The following EPAS1 variants were observed in gnomAD, a reference collection of about 807,000 sequenced individuals.
The protein encoded by EPAS1 is endothelial PAS domain protein 1.
EPAS1 carries 23 observed loss-of-function variants against 87.9 expected under a neutral mutation model. The observed-to-expected ratio is 0.26, with a 90% CI of 0.19 to 0.37. EPAS1 has a LOEUF of 0.37. EPAS1 is among the 10% of genes least tolerant of loss of function. The pLI is 1.00. For missense variants in EPAS1, 1,138 were observed against 1,120.7 expected (o/e 1.02, Z -0.22); for synonymous variants, 508 against 444.3 (o/e 1.14, Z -1.80).
chr2:46,360,708 G>A lies in EPAS1; in HGVS notation c.525G>A (p.Thr175=), dbSNP rs115264325. Residue 175 remains threonine, a synonymous_variant, in exon 5 of 16, where the codon ACG becomes ACA. Transcript: ENST00000263734. The surrounding 1 kb of genome is among the most constrained non-coding windows in gnomAD (Gnocchi z 4.5). The part of the protein sequence containing the change: ...ERDFFMRMKC[T]VTNRGRTVNL... ...ACTTCTTCATGAGGATGAAGTGCAC[G>A]GTCACCAACAGAGGCCGTACTGTCA... 449 of 1,613,998 alleles carry A rather than the reference G, an allele frequency of 2.8e-4. 2 individuals are homozygous for A. In the African/African-American group the frequency reaches 5.0e-3, roughly 18 times the overall value.
chr2:46,336,426 C>T (rs1252706599), intron 1 of EPAS1, among the ~76,000 whole-genome samples: 1 of 151,714 alleles, frequency 6.6e-6, no homozygotes, highest in African/African-American at 2.4e-5. Context: ...TGCTAAGGGG[C>T]CAGGGACACT....
intron 2 of EPAS1, among the ~76,000 whole-genome samples, chr2:46,348,559 T>C (rs1322936554): frequency 3.4e-4 from 51 of 152,236 alleles, no homozygotes. Flanking sequence ...TCCCCTGCTT[T>C]CCTGCTGTGG....
rs1684927537 is a variant in EPAS1 at position 46,382,671 on chromosome 2, C to T, written c.2461+73C>T. 9 of 1,577,566 alleles carry T rather than the reference C, an allele frequency of 5.7e-6. No individual in the cohort carries two copies. In the South Asian group the frequency reaches 1.0e-4, roughly 18 times the overall value. Reference sequence around the variant, plus strand: ...GGGGAAGCCCACGTCTACTTTTTTTCCAGCGTCTGCACAGTGCCAGGCACA... The same window carrying T: ...GGGGAAGCCCACGTCTACTTTTTTTTCAGCGTCTGCACAGTGCCAGGCACA... On this transcript the variant is annotated intron_variant, in intron 15 of 15. Transcript: ENST00000263734.
chr2:46,369,164 C>T (rs1214080882), intron 6 of EPAS1, among the ~76,000 whole-genome samples: 1 of 152,150 alleles, frequency 6.6e-6, no homozygotes, highest in Non-Finnish European at 1.5e-5. Flanking sequence ...ACCTCCTTGC[C>T]TCCCTCGTTT....
chr2:46,359,490 T>C (rs1684344944), intron 4 of EPAS1, among the ~76,000 whole-genome samples: 1 of 152,026 alleles, frequency 6.6e-6, no homozygotes. Flanking sequence ...GAATCATAAT[T>C]TGGTATGGGA....
chr2:46,340,378 G>A (rs544326550), intron 1 of EPAS1, among the ~76,000 whole-genome samples: 12 of 152,316 alleles, frequency 7.9e-5, no homozygotes, highest in Admixed American at 7.2e-4. Flanking sequence ...GAGAGCTGGA[G>A]GCTCAGCCCC....
At chr2:46,341,886 A>AT (rs1399422550) in intron 1 of EPAS1, among the ~76,000 whole-genome samples, 1 of 152,218 alleles carries the variant, frequency 6.6e-6, no homozygotes, top group Non-Finnish European at 1.5e-5. Context: ...CCAGTGCTCA[A>AT]TAAATATGTT....
At position 46,375,697 on chromosome 2, in the gene EPAS1, C is replaced by T; in HGVS notation, c.894C>T (p.Thr298=). Residue 298 remains threonine (T), a synonymous_variant, in exon 8 of 16, where the codon ACC becomes ACT. Coordinates refer to ENST00000263734, the MANE Select transcript of EPAS1 (RefSeq NM_001430.5). The surrounding 1 kb of genome is among the most constrained non-coding windows in gnomAD (Gnocchi z 4.1). ...CTGTTTCTCCTCCCCTAGTGTGCAC[C>T]AAGGGTCAGGTAGTAAGTGGCCAGT... ...NMTKSHQNLC[T]KGQVVSGQYR... The T allele has an allele frequency of 6.2e-7, 1 of 1,614,002 alleles. No homozygotes were observed. The highest frequency in any genetic ancestry group is 8.5e-7 in the Non-Finnish European group (1 of 1,179,966).
chr2:46,378,523 C>T, intron 10 of EPAS1, 134 bp from the exon 11 acceptor site: 1 of 755,958 alleles, frequency 1.3e-6, no homozygotes, highest in South Asian at 1.5e-5. Flanking sequence ...AATTAGCAGC[C>T]CCTCTACAAA....
chr2:46,325,285 T>A lies in EPAS1; in HGVS notation c.27-21588T>A, dbSNP rs143617319. ...TTACTGCCCTTGGGAATTTTTTAGA[T>A]AGTTCCTTTTGGGGAGAGAACTGTT... On this transcript the variant is annotated intron_variant, in intron 1 of 15. Coordinates refer to ENST00000263734, the MANE Select transcript of EPAS1 (RefSeq NM_001430.5). Among the ~76,000 whole-genome samples the A allele has an allele frequency of 3.0e-3, 463 of 152,332 alleles. 4 individuals are homozygous for A. Among genetic ancestry groups the A allele is most frequent in the African/African-American group, 0.011 (438 of 41,574 alleles).
intron 1 of EPAS1, among the ~76,000 whole-genome samples, chr2:46,334,421 C>T (rs1299187094): frequency 2.6e-5 from 4 of 152,194 alleles, no homozygotes; most frequent in African/African-American, 4.8e-5. Flanking sequence ...ACCACTGGCA[C>T]CTCTGCCCAT....
At chr2:46,335,396 G>A (rs900586491) in intron 1 of EPAS1, among the ~76,000 whole-genome samples, 8 of 85,534 alleles carry the variant, frequency 9.4e-5, no homozygotes, top group South Asian at 7.5e-4. Flanking sequence ...GTGCACCCCC[G>A]CCCCCCACCC....
chr2:46,316,805 A>G (rs190715198), intron 1 of EPAS1, among the ~76,000 whole-genome samples: 1 of 152,334 alleles, frequency 6.6e-6, no homozygotes, highest in African/African-American at 2.4e-5. Context: ...ACTCTGCAGC[A>G]TGTGATACTG....
In EPAS1 at chr2:46,300,937, G is replaced by GA. The variant is rs1682983149; in HGVS notation, c.26+3006dup. Among the ~76,000 whole-genome samples, 1 of 152,082 alleles carries GA rather than the reference G, an allele frequency of 6.6e-6. No individual in the cohort carries two copies. Among genetic ancestry groups the GA allele is most frequent in the African/African-American group, 2.4e-5 (1 of 41,412 alleles). On this transcript the variant is annotated intron_variant, in intron 1 of 15. Transcript: ENST00000263734. The surrounding 1 kb of genome is among the most constrained non-coding windows in gnomAD (Gnocchi z 4.1). Reference sequence around the variant, plus strand: ...TCCATCATTATTCCAACTCTGAAGGGAAAAAATATTGCTGGACAGTTTCTC... The same window carrying GA: ...TCCATCATTATTCCAACTCTGAAGGGAAAAAAATATTGCTGGACAGTTTCTC...
At chr2:46,306,070 A>G (rs1302650551) in intron 1 of EPAS1, among the ~76,000 whole-genome samples, 1 of 152,252 alleles carries the variant, frequency 6.6e-6, no homozygotes, top group Non-Finnish European at 1.5e-5. Flanking sequence ...GCTGAATCTG[A>G]GAAAGTTCAG....
chr2:46,352,852 C>T (rs117237952), intron 2 of EPAS1, among the ~76,000 whole-genome samples: 1 of 152,244 alleles, frequency 6.6e-6, no homozygotes, highest in Non-Finnish European at 1.5e-5. Context: ...TTGCCCCTCT[C>T]CCTCCCGGAG....
Position 46,346,939 on chromosome 2 carries a change from G to T in EPAS1, c.93G>T (p.Thr31=). The T allele has an allele frequency of 6.2e-7, 1 of 1,614,198 alleles. No individual in the cohort carries two copies. Among genetic ancestry groups the T allele is most frequent in the South Asian group, 1.1e-5 (1 of 91,084 alleles). Residue 31 remains threonine, a synonymous_variant, in exon 2 of 16, where the codon ACG becomes ACT. Coordinates refer to ENST00000263734, the MANE Select transcript of EPAS1 (RefSeq NM_001430.5). The surrounding 1 kb of genome is among the most constrained non-coding windows in gnomAD (Gnocchi z 4.0). ...CGCGGTGCCGGCGGAGCAAGGAGAC[G>T]GAGGTGTTCTATGAGCTGGCCCATG... The part of the protein sequence containing the change: ...DAARCRRSKE[T]EVFYELAHEL...
intron 2 of EPAS1, among the ~76,000 whole-genome samples, chr2:46,349,208 G>T (rs1684094817): frequency 6.6e-6 from 1 of 152,194 alleles, no homozygotes; most frequent in African/African-American, 2.4e-5. Context: ...ATGGGGAGGA[G>T]GTCCTCACAC....
At chr2:46,352,620 T>G (rs1258380505) in intron 2 of EPAS1, among the ~76,000 whole-genome samples, 1 of 152,072 alleles carries the variant, frequency 6.6e-6, no homozygotes, top group Admixed American at 6.5e-5. Context: ...GGCTCCCCAG[T>G]TTTCACTCTC....
Sources: gnomAD v4.1 joint callset for allele counts (sites outside exome capture counted in the v4.1 genomes callset) on GRCh38, gnomAD v4.1.1 for gene constraint, Gnocchi (gnomAD v3.1) non-coding constraint, MANE v1.5 for transcripts, NCBI Gene and HGNC (gene_info 2026-07-23, HGNC 2026-07-21) for gene names.